The following IL12RB2 variants were observed in gnomAD, a reference collection of about 807,000 sequenced individuals.
IL12RB2 encodes the protein interleukin-12 receptor subunit beta-2.
In IL12RB2, 82 loss-of-function variants were observed where a neutral mutation model predicts 89.4. The ratio of observed to expected loss-of-function variants is 0.92; its 90% CI spans 0.77 to 1.10. The LOEUF (loss-of-function observed/expected upper bound fraction) is 1.10, where lower values mean the gene tolerates loss of function less well. Among genes scored for constraint, IL12RB2 ranks in the 50% least tolerant of loss-of-function variants. The probability of loss-of-function intolerance (pLI) is 0.00; values close to 1 mark genes in which losing one functional copy is unlikely to be tolerated. For synonymous variants in IL12RB2, 368 were observed against 370.1 expected (o/e 0.99, Z 0.07); for missense variants, 963 against 1,031.9 (o/e 0.93, Z 0.92).
At chr1:67,383,845 C>T (rs890876119) in intron 14 of IL12RB2, among the ~76,000 whole-genome samples, 8 of 152,234 alleles carry the variant, frequency 5.3e-5, no homozygotes, top group Non-Finnish European at 1.2e-4. Context: ...AAAATTGCAA[C>T]CTCAGGCATA....
intron 3 of IL12RB2, 71 bp from the exon 4 acceptor site, chr1:67,321,531 T>A (rs1656524805): frequency 2.1e-6 from 2 of 974,868 alleles, no homozygotes; most frequent in Admixed American, 3.4e-5. Context: ...TTTTGGGGAA[T>A]TACATAAACT....
chr1:67,311,382 A>G (rs912664734), intron 1 of IL12RB2, among the ~76,000 whole-genome samples: 7 of 152,254 alleles, frequency 4.6e-5, no homozygotes, highest in African/African-American at 1.7e-4. Flanking sequence ...TTGGATTTTT[A>G]TTTCTCAGGT....
intron 9 of IL12RB2, 158 bp downstream of exon 9, chr1:67,338,861 TA>T: frequency 1.5e-6 from 1 of 667,146 alleles, no homozygotes; most frequent in South Asian, 1.7e-5. Flanking sequence ...CTTTGGTGGA[TA>T]GGGGTGAGAG....
At chr1:67,364,159 G>A (rs1419159224) in intron 10 of IL12RB2, among the ~76,000 whole-genome samples, 3 of 152,242 alleles carry the variant, frequency 2.0e-5, no homozygotes, top group African/African-American at 7.2e-5. Flanking sequence ...GGAAGGCTGA[G>A]GCAGGCGGAT....
At chr1:67,375,962 T>G (rs1663935011) in intron 13 of IL12RB2, among the ~76,000 whole-genome samples, 1 of 151,200 alleles carries the variant, frequency 6.6e-6, no homozygotes, top group African/African-American at 2.4e-5. Flanking sequence ...TTCTCCTGCC[T>G]CAGCCTCCCG....
At chr1:67,307,784 C>T (rs1654454160), upstream of IL12RB2, 1 of 152,198 alleles carries the variant, frequency 6.6e-6, no homozygotes, top group Non-Finnish European at 1.5e-5. Flanking sequence ...GCCGCCAGCT[C>T]CCCGCGCCCA....
At chr1:67,317,993 C>T (rs537386460) in intron 2 of IL12RB2, among the ~76,000 whole-genome samples, 14 of 152,048 alleles carry the variant, frequency 9.2e-5, no homozygotes, top group South Asian at 8.3e-4. Flanking sequence ...TCAGGGAGGG[C>T]GTCGGAGGGA....
At chr1:67,375,366 G>A (rs1663845410) in intron 13 of IL12RB2, among the ~76,000 whole-genome samples, 2 of 152,184 alleles carry the variant, frequency 1.3e-5, no homozygotes, top group African/African-American at 4.8e-5. Flanking sequence ...CTGCACTCCA[G>A]CCTGGGCGAC....
At chr1:67,320,760 T>C (rs1188485327) in intron 3 of IL12RB2, among the ~76,000 whole-genome samples, 1 of 152,132 alleles carries the variant, frequency 6.6e-6, no homozygotes, top group Non-Finnish European at 1.5e-5. Context: ...TTATTATACT[T>C]TAAGTTCTGG....
chr1:67,364,692 G>A (rs1440170498), intron 10 of IL12RB2, among the ~76,000 whole-genome samples: 1 of 152,204 alleles, frequency 6.6e-6, no homozygotes, highest in Non-Finnish European at 1.5e-5. Context: ...CACTATCATA[G>A]TCAGACTTCA....
chr1:67,359,492 C>T (rs889150700), intron 10 of IL12RB2, among the ~76,000 whole-genome samples: 5 of 152,104 alleles, frequency 3.3e-5, no homozygotes, highest in Non-Finnish European at 7.4e-5. Context: ...GGGGCTGAGT[C>T]GGGTGGATCA....
rs1201242173 is a variant in IL12RB2, at chr1:67,367,441, AGGAAGGAAGGAAAGGAACGAG to A, written c.1259-371_1259-351del. 3.9e-5 allele frequency among the ~76,000 whole-genome samples: 5 copies of A among 128,150 alleles called. No homozygotes were observed. The East Asian group carries it at 1.2e-3, about 31-fold the overall frequency. The allele number at this position is 128,150 out of a possible 152,430, so 84.1% of individuals were successfully genotyped here. The stretch of plus-strand genomic sequence containing the variant: ...GAGAGAAGAAAAAGAAAAAGAAAGA[AGGAAGGAAGGAAAGGAACGAG>A]GGAAGGAAGGAAGGAAGGAAGGAAG... On this transcript the variant is annotated intron_variant, in intron 10 of 16. Transcript: ENST00000674203.
At chr1:67,389,981 C>G (rs1199117699) in intron 15 of IL12RB2, 48 bp from the exon 16 acceptor site, 3 of 873,086 alleles carry the variant, frequency 3.4e-6, no homozygotes, top group East Asian at 4.8e-5. Flanking sequence ...TGCTTCCATG[C>G]CACTGTGTGC....
At chr1:67,315,131 A>G (rs1238387831) in intron 2 of IL12RB2, among the ~76,000 whole-genome samples, 1 of 152,156 alleles carries the variant, frequency 6.6e-6, no homozygotes, top group Admixed American at 6.5e-5. Context: ...GTTTGGATCA[A>G]TGTACCATTA....
At chr1:67,336,333 A>C (rs1368142806) in intron 8 of IL12RB2, among the ~76,000 whole-genome samples, 1 of 152,182 alleles carries the variant, frequency 6.6e-6, no homozygotes. Context: ...GTGAGGGTTA[A>C]ACGAGATGAT....
chr1:67,341,514 G>GAGAA (rs1659544462), intron 9 of IL12RB2, among the ~76,000 whole-genome samples: 2 of 73,296 alleles, frequency 2.7e-5, no homozygotes, highest in East Asian at 6.9e-4. Context: ...AAGAAAGAAG[G>GAGAA]AAAGAAAAAA....
At chr1:67,333,287 T>A (rs912980196) in intron 8 of IL12RB2, among the ~76,000 whole-genome samples, 13 of 152,196 alleles carry the variant, frequency 8.5e-5, no homozygotes, top group African/African-American at 2.9e-4. Context: ...CACCAACTGA[T>A]GTAAACGTAA....
intron 9 of IL12RB2, among the ~76,000 whole-genome samples, chr1:67,350,424 C>T (rs543972931): frequency 2.0e-5 from 3 of 152,324 alleles, no homozygotes; most frequent in African/African-American, 7.2e-5. Context: ...CAGCAGTGCA[C>T]CTTCTGTAGA....
intron 10 of IL12RB2, among the ~76,000 whole-genome samples, chr1:67,362,926 CG>C (rs1662269715): frequency 2.0e-5 from 3 of 147,552 alleles, no homozygotes; most frequent in African/African-American, 7.4e-5. Context: ...TTTTTTGTGA[CG>C]GAGTCTTGCT....
Sources: allele counts gnomAD v4.1 joint callset (sites outside exome capture counted in the v4.1 genomes callset), GRCh38; gene constraint gnomAD v4.1.1; transcripts MANE v1.5; gene names NCBI Gene and HGNC (gene_info 2026-07-23, HGNC 2026-07-21).